BCAS3: variants seen among roughly 807,000 people sequenced by gnomAD.
BCAS3 encodes the protein BCAS3 microtubule associated cell migration factor, also known as BCAS4/BCAS3 fusion.
Under a neutral mutation model 116.1 loss-of-function variants are expected in BCAS3, and 53 were observed. The observed-to-expected ratio is 0.46, with a 90% CI of 0.37 to 0.57. The LOEUF is 0.57. Among genes scored for constraint, BCAS3 ranks in the 20% least tolerant of loss-of-function variants. BCAS3 has a pLI of 0.00. For synonymous variants in BCAS3, 391 were observed against 408.2 expected (o/e 0.96, Z 0.51); for missense variants, 917 against 1,165.4 (o/e 0.79, Z 3.10).
rs889757278 is a variant in BCAS3, at chr17:61,250,063, C to A, written c.2426-118264C>A. 3.3e-5 allele frequency among the ~76,000 whole-genome samples: 5 copies of A among 152,162 alleles called. No individual in the cohort carries two copies. The South Asian group carries it at 6.2e-4, about 19-fold the overall frequency. On this transcript the variant is annotated intron_variant, in intron 22 of 23. Transcript: ENST00000407086. ...GGCCCTGCTTTTCTATAAGGAAGGT[C>A]GAAGACACCAGGCCCCTTGCCCTGG...
rs773635141 is a variant in BCAS3 at position 61,073,977 on chromosome 17, C to T, written c.2030-943C>T. ...GAAAATATTGGGCAGGCATTGGTAG[C>T]TCATGCCTGTAGTCTCAGCTACTTA... On this transcript the variant is annotated intron_variant, in intron 19 of 23. Transcript: ENST00000407086. This position sits in a 1 kb window ranked among gnomAD's most constrained non-coding sequence, Gnocchi z 4.6. 5.9e-5 allele frequency among the ~76,000 whole-genome samples: 9 copies of T among 151,940 alleles called. No individual in the cohort carries two copies. Among genetic ancestry groups the T allele is most frequent in the Non-Finnish European group, 8.8e-5 (6 of 67,998 alleles).
chr17:60,758,624 C>T (rs1168044380), intron 6 of BCAS3, among the ~76,000 whole-genome samples: 1 of 152,052 alleles, frequency 6.6e-6, no homozygotes, highest in Non-Finnish European at 1.5e-5. Context: ...TCAGGTAATT[C>T]ACCTGCCTTG....
At chr17:61,174,145 TTG>T (rs1463868881) in intron 22 of BCAS3, among the ~76,000 whole-genome samples, 1 of 152,232 alleles carries the variant, frequency 6.6e-6, no homozygotes. Context: ...ATGATTGTTT[TTG>T]TGTGTGGTAA....
intron 22 of BCAS3, among the ~76,000 whole-genome samples, chr17:61,306,004 T>C (rs1160050715): frequency 6.6e-6 from 1 of 152,238 alleles, no homozygotes; most frequent in Non-Finnish European, 1.5e-5. Context: ...GCTTCCTTCT[T>C]GTTTCACTGA....
Position 61,017,694 on chromosome 17 carries a change from A to G in BCAS3, c.1637+1793A>G, listed in dbSNP as rs2065555640. ...GAAGTTTAGTGCATAAAATGATATG[A>G]TGTTAGAATTTAATTCATAATATTT... On this transcript the variant is annotated intron_variant, in intron 16 of 23. Coordinates refer to ENST00000407086, the MANE Select transcript of BCAS3 (RefSeq NM_017679.5). This position sits in a 1 kb window ranked among gnomAD's most constrained non-coding sequence, Gnocchi z 4.7. 6.6e-6 allele frequency among the ~76,000 whole-genome samples: 1 copy of G among 151,552 alleles called. No homozygotes were observed. The highest frequency in any genetic ancestry group is 1.5e-5 in the Non-Finnish European group (1 of 68,014).
rs1374907312 is a variant in BCAS3, at chr17:61,380,208, C to T, written c.2593+11714C>T. 8.4e-6 allele frequency: 3 copies of T among 355,252 alleles called. No homozygotes were observed. The highest frequency in any genetic ancestry group is 1.5e-5 in the Non-Finnish European group (3 of 193,578). 22.0% of individuals were successfully genotyped at this position (355,252 alleles called of 1,614,324 possible). ...AAATCTGAGGGGTTACCCAGGATGC[C>T]GGCTTTCTCTCTACATCATTCCCTA... On this transcript the variant is annotated intron_variant, in intron 23 of 23. Transcript: ENST00000407086. This position sits in a 1 kb window ranked among gnomAD's most constrained non-coding sequence, Gnocchi z 4.2.
chr17:60,992,552 G>T (rs2063594277), intron 15 of BCAS3, among the ~76,000 whole-genome samples: 1 of 152,024 alleles, frequency 6.6e-6, no homozygotes, highest in Non-Finnish European at 1.5e-5. Flanking sequence ...AGGGGGTGAG[G>T]GTTGAAAAAC....
chr17:60,767,683 T>G (rs9906831), intron 6 of BCAS3, among the ~76,000 whole-genome samples: 39,926 of 151,756 alleles, frequency 0.26, 11,061 homozygotes, highest in African/African-American at 0.71. Flanking sequence ...TGCTGGAAAA[T>G]TATTGTTTTC....
At chr17:61,373,590 G>T (rs1383656223) in intron 23 of BCAS3, among the ~76,000 whole-genome samples, 1 of 149,850 alleles carries the variant, frequency 6.7e-6, no homozygotes, top group Non-Finnish European at 1.5e-5. Context: ...CAGGACTATA[G>T]GCGTGTGCCA....
intron 5 of BCAS3, among the ~76,000 whole-genome samples, chr17:60,730,788 A>G (rs943778431): frequency 2.0e-5 from 3 of 152,220 alleles, no homozygotes; most frequent in Admixed American, 2.0e-4. Context: ...GTGTATTTAT[A>G]GGAGATTCTG....
rs1329197836 is a variant in BCAS3 at position 61,258,476 on chromosome 17, AGTTGC to A, written c.2426-109850_2426-109846del. ...CTTCACTAGCTGTTGACCTTAGAAA[AGTTGC>A]TTCACCCTCTGAGCCTCTGTAAAAT... is the stretch of plus-strand genomic sequence containing the variant. On this transcript the variant is annotated intron_variant, in intron 22 of 23. Transcript: ENST00000407086. The surrounding 1 kb of genome is among the most constrained non-coding windows in gnomAD (Gnocchi z 4.7). Among the ~76,000 whole-genome samples the A allele has an allele frequency of 6.6e-6, 1 of 152,218 alleles. No homozygotes were observed. The highest frequency in any genetic ancestry group is 1.5e-5 in the Non-Finnish European group (1 of 68,044).
intron 22 of BCAS3, among the ~76,000 whole-genome samples, chr17:61,101,108 A>T (rs1297160829): frequency 6.6e-6 from 1 of 152,096 alleles, no homozygotes; most frequent in Non-Finnish European, 1.5e-5. Flanking sequence ...ATCATAGAGG[A>T]CACAAAATAC....
intron 14 of BCAS3, among the ~76,000 whole-genome samples, chr17:60,980,995 G>A (rs1458075659): frequency 6.6e-6 from 1 of 151,498 alleles, no homozygotes; most frequent in African/African-American, 2.4e-5. Flanking sequence ...CACCATGCCA[G>A]GCTAATGTGT....
At chr17:61,308,760 T>A (rs2054063963) in intron 22 of BCAS3, among the ~76,000 whole-genome samples, 1 of 152,168 alleles carries the variant, frequency 6.6e-6, no homozygotes, top group African/African-American at 2.4e-5. Context: ...TGTAACACCA[T>A]ACTAAGTCTG....
intron 13 of BCAS3, among the ~76,000 whole-genome samples, chr17:60,938,335 G>C (rs115871570): frequency 5.9e-4 from 90 of 152,282 alleles, no homozygotes; most frequent in African/African-American, 2.0e-3. Context: ...AGTAAGTATA[G>C]ACATAGATGA....
At chr17:60,853,161 T>C (rs1198495771) in intron 7 of BCAS3, among the ~76,000 whole-genome samples, 1 of 151,982 alleles carries the variant, frequency 6.6e-6, no homozygotes, top group African/African-American at 2.4e-5. Flanking sequence ...AATGAATGCA[T>C]ATTACTCCGT....
Position 60,825,695 on chromosome 17 carries a change from C to T in BCAS3, c.476+17619C>T, listed in dbSNP as rs185151976. Among the ~76,000 whole-genome samples, 95 of 151,604 alleles carry T rather than the reference C, an allele frequency of 6.3e-4. 1 individual carries two copies. Among genetic ancestry groups the T allele is most frequent in the Non-Finnish European group, 1.2e-3 (83 of 67,888 alleles). On this transcript the variant is annotated intron_variant, in intron 7 of 23. Transcript: ENST00000407086. ...TGCTTCCAAGGTTGCACCTTGAACT[C>T]CATGTCCTCACATGGTGGAAGGGCA... is the stretch of plus-strand genomic sequence containing the variant.
intron 10 of BCAS3, among the ~76,000 whole-genome samples, chr17:60,893,808 C>T (rs757689401): frequency 4.6e-5 from 7 of 151,906 alleles, no homozygotes; most frequent in Admixed American, 2.6e-4. Context: ...GGAGTTTTAT[C>T]ATGTTGGCCA....
At chr17:61,038,182 A>G in intron 18 of BCAS3, 128 bp downstream of exon 18, 1 of 770,904 alleles carries the variant, frequency 1.3e-6, no homozygotes, top group Non-Finnish European at 2.0e-6. Context: ...CATGGTAAAC[A>G]AATACATCAC....
Sources: gnomAD v4.1 joint callset for allele counts (sites outside exome capture counted in the v4.1 genomes callset) on GRCh38, gnomAD v4.1.1 for gene constraint, Gnocchi (gnomAD v3.1) non-coding constraint, MANE v1.5 for transcripts, NCBI Gene and HGNC (gene_info 2026-07-23, HGNC 2026-07-21) for gene names.